The following ADAMTS19 variants were observed in gnomAD, a reference collection of about 807,000 sequenced individuals.
The protein encoded by ADAMTS19 is A disintegrin and metalloproteinase with thrombospondin motifs 19.
Under a neutral mutation model 153.3 loss-of-function variants are expected in ADAMTS19, and 93 were observed. That is an observed-to-expected ratio of 0.61 (90% CI 0.51 to 0.72). The LOEUF (loss-of-function observed/expected upper bound fraction) is 0.72, where lower values mean the gene tolerates loss of function less well. Among genes scored for constraint, ADAMTS19 ranks in the 30% least tolerant of loss-of-function variants. ADAMTS19 has a pLI of 0.00. For missense variants in ADAMTS19, 1,482 were observed against 1,552.1 expected, an observed-to-expected ratio of 0.95 and a Z score of 0.76; for synonymous variants, 600 against 556.6, an observed-to-expected ratio of 1.08 and a Z score of -1.10.
intron 13 of ADAMTS19, among the ~76,000 whole-genome samples, chr5:129,653,664 A>G (rs965612964): frequency 3.9e-5 from 6 of 152,322 alleles, no homozygotes; most frequent in Middle Eastern, 3.4e-3. Context: ...ATTGCATTTC[A>G]AAACAATATT....
At chr5:129,504,977 G>A (rs993755187) in intron 2 of ADAMTS19, among the ~76,000 whole-genome samples, 4 of 151,904 alleles carry the variant, frequency 2.6e-5, no homozygotes, top group African/African-American at 9.7e-5. Flanking sequence ...TAATAGTGGT[G>A]CAATAAACAT....
At chr5:129,585,266 T>A (rs931093988) in intron 7 of ADAMTS19, among the ~76,000 whole-genome samples, 4 of 151,500 alleles carry the variant, frequency 2.6e-5, no homozygotes, top group African/African-American at 9.7e-5. Context: ...GCCGGGTAAC[T>A]CAGTTGGAAA....
At chr5:129,500,220 G>A (rs1751053075) in intron 2 of ADAMTS19, 2 of 152,142 alleles carry the variant, frequency 1.3e-5, no homozygotes. Context: ...AATGAAGTCA[G>A]AGTCCTTGTC....
intron 2 of ADAMTS19, among the ~76,000 whole-genome samples, chr5:129,484,441 G>A (rs1417091532): frequency 6.6e-6 from 1 of 151,784 alleles, no homozygotes; most frequent in Non-Finnish European, 1.5e-5. Context: ...AATTTTGTTA[G>A]GCATATATGC....
intron 3 of ADAMTS19, among the ~76,000 whole-genome samples, chr5:129,513,318 T>A (rs566956176): frequency 6.6e-6 from 1 of 152,150 alleles, no homozygotes; most frequent in Admixed American, 6.6e-5. Context: ...TTCTACCACT[T>A]CTGTGTTATT....
At chr5:129,708,895 C>T (rs1422526754) in intron 21 of ADAMTS19, among the ~76,000 whole-genome samples, 1 of 151,890 alleles carries the variant, frequency 6.6e-6, no homozygotes, top group Non-Finnish European at 1.5e-5. Flanking sequence ...ATTTATGAGC[C>T]TTTTTGAAAT....
At chr5:129,541,773 T>G (rs925251755) in intron 6 of ADAMTS19, among the ~76,000 whole-genome samples, 2 of 152,002 alleles carry the variant, frequency 1.3e-5, no homozygotes, top group African/African-American at 2.4e-5. Flanking sequence ...CCCACAATAT[T>G]CAGTTGTATA....
chr5:129,461,632 G>T lies in ADAMTS19; in HGVS notation c.622G>T (p.Gly208Cys). ...AVEQRPNPGP[G>C]PTGAASAPQP... ...GGAACAGCGGCCAAATCCCGGCCCC[G>T]GCCCCACGGGGGCAGCATCCGCCCC... Residue 208 changes from glycine to cysteine, a missense_variant, in exon 2 of 23, where the codon GGC becomes TGC. Physicochemically the swap from Gly to Cys is radical, Grantham distance 159. Coordinates refer to ENST00000274487, the MANE Select transcript of ADAMTS19 (RefSeq NM_133638.6). This position sits in a 1 kb window ranked among gnomAD's most constrained non-coding sequence, Gnocchi z 4.6. 1 of 1,593,628 alleles carries T rather than the reference G, an allele frequency of 6.3e-7. No homozygotes were observed. The highest frequency in any genetic ancestry group is 8.5e-7 in the Non-Finnish European group (1 of 1,176,380).
chr5:129,725,973 G>T (rs956980548), intron 21 of ADAMTS19, among the ~76,000 whole-genome samples: 1 of 152,098 alleles, frequency 6.6e-6, no homozygotes, highest in Admixed American at 6.6e-5. Flanking sequence ...AACAAATTTT[G>T]CTTTCAGAGA....
At chr5:129,625,743 T>G (rs30707) in intron 10 of ADAMTS19, among the ~76,000 whole-genome samples, 72,442 of 151,890 alleles carry the variant, frequency 0.48, 19,916 homozygotes, top group African/African-American at 0.76. Flanking sequence ...CTGGATATTA[T>G]ACCTTTGTCA....
At chr5:129,709,632 A>C (rs1756346189) in intron 21 of ADAMTS19, among the ~76,000 whole-genome samples, 1 of 131,480 alleles carries the variant, frequency 7.6e-6, no homozygotes, top group Non-Finnish European at 1.6e-5. Context: ...CTCCTGTTGC[A>C]TAATTATTAA....
chr5:129,583,037 G>C (rs982913995), intron 7 of ADAMTS19, among the ~76,000 whole-genome samples: 6 of 152,132 alleles, frequency 3.9e-5, no homozygotes, highest in African/African-American at 7.2e-5. Context: ...TGTTTTTGCA[G>C]TGGCTGGTAC....
chr5:129,623,520 T>C (rs956283695), intron 10 of ADAMTS19, among the ~76,000 whole-genome samples: 5 of 152,220 alleles, frequency 3.3e-5, no homozygotes, highest in Non-Finnish European at 7.3e-5. Flanking sequence ...TTGAGGATAA[T>C]GCTGTTTTGG....
intron 2 of ADAMTS19, 137 bp from the exon 3 acceptor site, chr5:129,508,940 A>T: frequency 1.8e-6 from 1 of 569,816 alleles, no homozygotes; most frequent in Non-Finnish European, 2.9e-6. Context: ...TTACCTTGCT[A>T]GTGGGGTTGC....
rs377008786 is a variant in ADAMTS19, at chr5:129,608,116, G to GTGTGTGTATATATA, written c.1478+11453_1478+11454insGTGTGTATATATAT. On this transcript the variant is annotated intron_variant, in intron 8 of 22. Coordinates refer to ENST00000274487, the MANE Select transcript of ADAMTS19 (RefSeq NM_133638.6). ...TGTGTGTGTGTGTGTGTGTGTGTGT[G>GTGTGTGTATATATA]TATATATATATATATATATATATAA... Among the ~76,000 whole-genome samples the GTGTGTGTATATATA allele has an allele frequency of 6.9e-3, 332 of 47,930 alleles. 8 individuals are homozygous for GTGTGTGTATATATA. Among genetic ancestry groups the GTGTGTGTATATATA allele is most frequent in the South Asian group, 0.019 (20 of 1,026 alleles). The allele number at this position is 47,930 out of a possible 152,430, so 31.4% of individuals were successfully genotyped here. A position where few individuals can be genotyped will look rare whatever the true frequency, so the allele number is the denominator to read the frequency against.
intron 2 of ADAMTS19, among the ~76,000 whole-genome samples, chr5:129,489,992 G>A (rs183526648): frequency 1.3e-5 from 2 of 152,056 alleles, no homozygotes; most frequent in South Asian, 2.1e-4. Flanking sequence ...TACCTATTAG[G>A]TACTTTGGAA....
chr5:129,610,214 T>G (rs1328875329), intron 8 of ADAMTS19, among the ~76,000 whole-genome samples: 1 of 152,098 alleles, frequency 6.6e-6, no homozygotes, highest in Admixed American at 6.6e-5. Context: ...ATATGGGCTA[T>G]AATTTATTGA....
At chr5:129,715,342 A>G (rs1322884494) in intron 21 of ADAMTS19, among the ~76,000 whole-genome samples, 1 of 152,160 alleles carries the variant, frequency 6.6e-6, no homozygotes, top group Non-Finnish European at 1.5e-5. Flanking sequence ...TGAAAATACT[A>G]TAGAGTTTTA....
chr5:129,545,655 T>C (rs1752829218), intron 6 of ADAMTS19, among the ~76,000 whole-genome samples: 1 of 151,680 alleles, frequency 6.6e-6, no homozygotes, highest in Non-Finnish European at 1.5e-5. Context: ...TCACTGGCCA[T>C]CAGAGAAATG....
Sources: allele counts gnomAD v4.1 joint callset (sites outside exome capture counted in the v4.1 genomes callset), GRCh38; gene constraint gnomAD v4.1.1; non-coding constraint Gnocchi (gnomAD v3.1); transcripts MANE v1.5; gene names NCBI Gene and HGNC (gene_info 2026-07-23, HGNC 2026-07-21).